The following ACTR3C variants were observed in gnomAD, a reference collection of about 807,000 sequenced individuals.
ACTR3C encodes actin-related protein 3C.
In ACTR3C, 18 loss-of-function variants were observed where a neutral mutation model predicts 26.3. The observed-to-expected ratio is 0.68, with a 90% CI of 0.47 to 1.01. The LOEUF (loss-of-function observed/expected upper bound fraction) is 1.01. Ranked by LOEUF, ACTR3C falls within the 50% of genes least tolerant of loss-of-function variation. The pLI, the probability that ACTR3C is intolerant of heterozygous loss-of-function variation, is 0.00. For synonymous variants in ACTR3C, 55 were observed against 94.5 expected, an observed-to-expected ratio of 0.58 and a Z score of 2.42; for missense variants, 184 against 250.7, an observed-to-expected ratio of 0.73 and a Z score of 1.80.
chr7:150,302,383 T>C (rs1385066806), intron 1 of ACTR3C, among the ~76,000 whole-genome samples: 1 of 152,124 alleles, frequency 6.6e-6, no homozygotes, highest in Non-Finnish European at 1.5e-5. Flanking sequence ...CTGCTAGTTC[T>C]TTTTAAGTAA....
At chr7:150,041,773 C>T in the ACTR3C span, among the ~76,000 whole-genome samples, 8 of 119,004 alleles carry the variant, frequency 6.7e-5, no homozygotes, top group East Asian at 9.7e-4. Flanking sequence ...GGGACTGGCT[C>T]TCAGTCCCTG....
At chr7:150,122,961 A>T in the ACTR3C span, among the ~76,000 whole-genome samples, 2 of 150,502 alleles carry the variant, frequency 1.3e-5, no homozygotes, top group South Asian at 4.2e-4. Flanking sequence ...GCTGGAAACC[A>T]TCATTCTCAG....
chr7:150,263,188 C>A (rs1402612923), intron 6 of ACTR3C, among the ~76,000 whole-genome samples: 5 of 151,562 alleles, frequency 3.3e-5, no homozygotes. Context: ...GAACATATGT[C>A]CCCCATATAT....
chr7:150,154,560 GCCT>G, the ACTR3C span, among the ~76,000 whole-genome samples: 19 of 152,216 alleles, frequency 1.2e-4, no homozygotes, highest in African/African-American at 3.9e-4. Flanking sequence ...AGTCCTTGCA[GCCT>G]TGACCTCAGC....
At chr7:150,031,611 A>G in the ACTR3C span, among the ~76,000 whole-genome samples, 1 of 152,180 alleles carries the variant, frequency 6.6e-6, no homozygotes, top group South Asian at 2.1e-4. Flanking sequence ...AGGCTTCTCC[A>G]AGGAGCTCTA....
chr7:149,969,540 C>T, the ACTR3C span, among the ~76,000 whole-genome samples: 3 of 152,124 alleles, frequency 2.0e-5, no homozygotes, highest in African/African-American at 4.8e-5. Context: ...CATTTCCTCA[C>T]CACAGATTTT....
At chr7:149,910,422 T>C in the ACTR3C span, among the ~76,000 whole-genome samples, 5 of 152,004 alleles carry the variant, frequency 3.3e-5, no homozygotes, top group Non-Finnish European at 1.5e-5. Context: ...AAAATACTAC[T>C]ATCTGTTCCA....
At chr7:150,130,031 T>C in the ACTR3C span, among the ~76,000 whole-genome samples, 4 of 152,260 alleles carry the variant, frequency 2.6e-5, no homozygotes, top group South Asian at 2.1e-4. Context: ...CATTCATCAG[T>C]AGCAAATTCA....
chr7:150,155,393 CTCA>C, the ACTR3C span, among the ~76,000 whole-genome samples: 1 of 152,144 alleles, frequency 6.6e-6, no homozygotes, highest in African/African-American at 2.4e-5. Context: ...GCTATAAAAT[CTCA>C]TCATCTGTGG....
the ACTR3C span, among the ~76,000 whole-genome samples, chr7:149,894,732 G>T: frequency 1.3e-5 from 2 of 151,922 alleles, no homozygotes; most frequent in Admixed American, 6.6e-5. Context: ...AAAAGCAAAA[G>T]ATAATAAGTG....
At chr7:150,296,542 A>T (rs536926390) in intron 1 of ACTR3C, among the ~76,000 whole-genome samples, 3,026 of 151,152 alleles carry the variant, frequency 0.02, 72 homozygotes, top group African/African-American at 0.07. Context: ...TCAACAATAT[A>T]CTATGAACAT....
At chr7:150,198,785 T>C in the ACTR3C span, among the ~76,000 whole-genome samples, 1,097 of 97,816 alleles carry the variant, frequency 0.011, no homozygotes, top group South Asian at 0.019. Flanking sequence ...TGGCCAGCCG[T>C]GCCGTCCGGG....
the ACTR3C span, among the ~76,000 whole-genome samples, chr7:150,110,736 C>T: frequency 1.4e-5 from 2 of 145,044 alleles, no homozygotes; most frequent in African/African-American, 2.6e-5. Context: ...CTTAGAAGGG[C>T]CAGAGCCAGC....
chr7:150,114,248 C>G, the ACTR3C span, among the ~76,000 whole-genome samples: 19 of 152,096 alleles, frequency 1.2e-4, no homozygotes, highest in Non-Finnish European at 2.8e-4. Flanking sequence ...TTTCATGGTC[C>G]TCTGGTCCCT....
At chr7:150,042,399 C>G in the ACTR3C span, among the ~76,000 whole-genome samples, 108 of 131,202 alleles carry the variant, frequency 8.2e-4, no homozygotes, top group Admixed American at 1.8e-3. Flanking sequence ...AAGAGGGGCT[C>G]GCTCTCAGTC....
chr7:149,970,394 T>A, the ACTR3C span, among the ~76,000 whole-genome samples: 5 of 152,046 alleles, frequency 3.3e-5, no homozygotes, highest in Admixed American at 2.6e-4. Context: ...GTTTAGCTGA[T>A]CTACCAAGAG....
chr7:150,077,036 G>C, the ACTR3C span, among the ~76,000 whole-genome samples: 1 of 151,992 alleles, frequency 6.6e-6, no homozygotes. Flanking sequence ...ATGGTGGTAG[G>C]CACCTGTAAT....
At chr7:150,035,276 G>A in the ACTR3C span, among the ~76,000 whole-genome samples, 13 of 59,224 alleles carry the variant, frequency 2.2e-4, no homozygotes, top group South Asian at 5.9e-4. Flanking sequence ...CTCAGTCCCT[G>A]CCTCGTGGAG....
chr7:149,979,955 G>A, the ACTR3C span, among the ~76,000 whole-genome samples: 1 of 150,326 alleles, frequency 6.7e-6, no homozygotes, highest in East Asian at 1.9e-4. Flanking sequence ...TTAAGAATGA[G>A]GAGTGAATTT....
Sources: allele counts gnomAD v4.1 joint callset (sites outside exome capture counted in the v4.1 genomes callset), GRCh38; gene constraint gnomAD v4.1.1; transcripts MANE v1.5; gene names NCBI Gene and HGNC (gene_info 2026-07-23, HGNC 2026-07-21).